Variants in TRERF1 observed in about 807,000 individuals in gnomAD.
TRERF1 encodes transcriptional-regulating factor 1.
In TRERF1, 27 loss-of-function variants were observed where a neutral mutation model predicts 122.9. The observed-to-expected ratio is 0.22, with a 90% confidence interval of 0.16 to 0.30. The LOEUF (loss-of-function observed/expected upper bound fraction) is 0.30. Among genes scored for constraint, TRERF1 ranks in the 10% least tolerant of loss-of-function variants. The pLI, the probability that TRERF1 is intolerant of heterozygous loss-of-function variation, is 1.00. For missense variants in TRERF1, 1,248 were observed against 1,560.3 expected (o/e 0.80, Z 3.37); for synonymous variants, 636 against 641.7 (o/e 0.99, Z 0.13).
intron 2 of TRERF1, among the ~76,000 whole-genome samples, chr6:42,387,121 A>T (rs77877351): frequency 0.023 from 3,549 of 152,230 alleles, 141 homozygotes; most frequent in African/African-American, 0.082. Flanking sequence ...ATTTAAAAAA[A>T]TTTTTTTGCT....
At chr6:42,435,200 T>C (rs1226121507) in intron 2 of TRERF1, among the ~76,000 whole-genome samples, 2 of 151,368 alleles carry the variant, frequency 1.3e-5, no homozygotes, top group Non-Finnish European at 2.9e-5. Flanking sequence ...TGGGGTTTCA[T>C]AGAGAGAGAA....
chr6:42,404,037 A>T (rs1779821535), intron 2 of TRERF1, among the ~76,000 whole-genome samples: 1 of 151,546 alleles, frequency 6.6e-6, no homozygotes. Flanking sequence ...GCCACTCACC[A>T]CTCTGCCTGA....
chr6:42,244,647 A>AT (rs531620956), intron 14 of TRERF1, among the ~76,000 whole-genome samples: 43 of 152,158 alleles, frequency 2.8e-4, no homozygotes, highest in South Asian at 1.0e-3. Flanking sequence ...AGACTTACTC[A>AT]TTTTTTTAAC....
chr6:42,332,856 C>T (rs986422726), intron 3 of TRERF1, among the ~76,000 whole-genome samples: 2 of 151,874 alleles, frequency 1.3e-5, no homozygotes, highest in Admixed American at 1.3e-4. Flanking sequence ...GGGTCTTCTA[C>T]GGAGGAGGGT....
chr6:42,444,322 T>G (rs1238545706), intron 2 of TRERF1, among the ~76,000 whole-genome samples: 5 of 152,144 alleles, frequency 3.3e-5, no homozygotes, highest in African/African-American at 2.4e-5. Context: ...AGGCCCAAAT[T>G]ACTTTAACTG....
chr6:42,437,333 C>T (rs995767678), intron 2 of TRERF1, among the ~76,000 whole-genome samples: 9 of 152,160 alleles, frequency 5.9e-5, no homozygotes, highest in African/African-American at 9.7e-5. Flanking sequence ...ACGCACCCAT[C>T]GCGCCCAAAG....
intron 3 of TRERF1, among the ~76,000 whole-genome samples, chr6:42,335,635 CA>C (rs757209104): frequency 5.0e-4 from 76 of 152,236 alleles, no homozygotes; most frequent in Non-Finnish European, 9.6e-4. Context: ...ACTGATGCAC[CA>C]AGTCTAGGCA....
chr6:42,315,248 A>G (rs183444386), intron 3 of TRERF1, among the ~76,000 whole-genome samples: 3 of 152,314 alleles, frequency 2.0e-5, no homozygotes, highest in Admixed American at 2.0e-4. Context: ...GTGGGCAGAG[A>G]TGCTGCTAAA....
At position 42,277,903 on chromosome 6, in the gene TRERF1, A is replaced by AAG. The variant is rs527638178; in HGVS notation, c.-258-8057_-258-8056dup. 1.8e-3 allele frequency among the ~76,000 whole-genome samples: 173 copies of AAG among 93,580 alleles called. 5 individuals are homozygous for AAG. Among genetic ancestry groups the AAG allele is most frequent in the South Asian group, 9.5e-3 (29 of 3,044 alleles). The allele number at this position is 93,580 out of a possible 152,430, so 61.4% of individuals were successfully genotyped here. On this transcript the variant is annotated intron_variant, in intron 4 of 17. Coordinates refer to ENST00000372922, the Ensembl canonical transcript of TRERF1. ...GAAGAAGGAAGAAGGAAGAAGGAAGAAGGAAGAAGAAGAAGAAGAAGAAGA... is the reference window on the plus strand; with the variant it reads ...GAAGAAGGAAGAAGGAAGAAGGAAGAAGAGGAAGAAGAAGAAGAAGAAGAAGA...
intron 2 of TRERF1, among the ~76,000 whole-genome samples, chr6:42,419,239 C>T (rs1053171874): frequency 5.9e-5 from 8 of 136,318 alleles, no homozygotes; most frequent in African/African-American, 2.2e-4. Context: ...GTTTCTACTT[C>T]CCCCCACCGC....
At chr6:42,411,590 C>G (rs1781101847) in intron 2 of TRERF1, among the ~76,000 whole-genome samples, 1 of 152,174 alleles carries the variant, frequency 6.6e-6, no homozygotes. Flanking sequence ...AGAATCCTAG[C>G]CAGAAGGGAT....
At chr6:42,315,549 C>T (rs1303411664) in intron 3 of TRERF1, among the ~76,000 whole-genome samples, 3 of 152,104 alleles carry the variant, frequency 2.0e-5, no homozygotes, top group Admixed American at 6.5e-5. Flanking sequence ...GAGGCTGTGA[C>T]GAGGTCACCC....
chr6:42,244,379 T>C (rs1289753927), intron 14 of TRERF1, among the ~76,000 whole-genome samples: 5 of 152,120 alleles, frequency 3.3e-5, no homozygotes, highest in Non-Finnish European at 4.4e-5. Flanking sequence ...AGACGTGGTT[T>C]CTACATGTTG....
exon 15 of TRERF1, chr6:42,243,265 T>C (rs1774085089): frequency 6.2e-7 from 1 of 1,614,156 alleles, no homozygotes; most frequent in Non-Finnish European, 8.5e-7. Context: ...TCGTCGATGA[T>C]TTCTGCCAGG....
At position 42,236,368 on chromosome 6, in the gene TRERF1, T is replaced by G. The variant is rs765972704; in HGVS notation, c.2903A>C (p.Asp968Ala). The G allele has an allele frequency of 1.5e-5, 22 of 1,515,484 alleles. No individual in the cohort carries two copies. In the Admixed American group the frequency reaches 4.4e-4, roughly 30 times the overall value. The allele number at this position is 1,515,484 out of a possible 1,614,324, so 93.9% of individuals were successfully genotyped here. ...TGTGGATTTCCTATCTTCTTCCGGG[T>G]CCTCCTCCTCCTCCTCCTCTAACTC... is the stretch of plus-strand genomic sequence containing the variant. Residue 968 changes from aspartate (D) to alanine (A), a missense_variant, in exon 16 of 18, where the codon GAC becomes GCC. By Grantham distance (126) the Asp-to-Ala change is moderately radical. This residue lies in a region of TRERF1 where 159 missense variants were observed against 221.7 expected (regional missense o/e 0.72). Coordinates refer to ENST00000372922, the Ensembl canonical transcript of TRERF1.
intron 3 of TRERF1, among the ~76,000 whole-genome samples, chr6:42,351,113 T>C (rs532723378): frequency 9.9e-5 from 15 of 152,272 alleles, no homozygotes; most frequent in African/African-American, 2.6e-4. Context: ...AACGATCAAA[T>C]TGGCAAAAAC....
At position 42,254,896 on chromosome 6, in the gene TRERF1, G is replaced by T. The variant is rs1254063463; in HGVS notation, c.2611C>A (p.Pro871Thr). ...AAAGGATGACATTTTAACCTGACAGGCTTCCGCAGTAGCAGCATTTCCAGA... is the reference window on the plus strand; with the variant it reads ...AAAGGATGACATTTTAACCTGACAGTCTTCCGCAGTAGCAGCATTTCCAGA... The change falls in exon 13 of 18, where the codon CCT becomes ACT. Residue 871 changes from proline to threonine, a missense_variant. Physicochemically the swap from Pro to Thr is conservative, Grantham distance 38. Transcript: ENST00000372922. 1.9e-6 allele frequency: 3 copies of T among 1,614,198 alleles called. No individual in the cohort carries two copies. In the South Asian group the frequency reaches 3.3e-5, roughly 18 times the overall value.
At chr6:42,267,484 C>G (rs925366095) in intron 5 of TRERF1, among the ~76,000 whole-genome samples, 2 of 152,042 alleles carry the variant, frequency 1.3e-5, no homozygotes, top group African/African-American at 2.4e-5. Flanking sequence ...AAAAACTTAG[C>G]TGGGTGTGGT....
At chr6:42,287,421 T>C (rs538507748) in intron 4 of TRERF1, among the ~76,000 whole-genome samples, 1 of 152,154 alleles carries the variant, frequency 6.6e-6, no homozygotes, top group South Asian at 2.1e-4. Flanking sequence ...TTAGAGACGA[T>C]GTGGAAACCC....
Sources: allele counts gnomAD v4.1 joint callset (sites outside exome capture counted in the v4.1 genomes callset), GRCh38; gene constraint gnomAD v4.1.1; regional missense constraint gnomAD v4.1.1; transcripts MANE v1.5; gene names NCBI Gene and HGNC (gene_info 2026-07-23, HGNC 2026-07-21).